OTOP3: variants seen among roughly 807,000 people sequenced by gnomAD.
OTOP3 encodes the protein proton channel OTOP3.
Under a neutral mutation model 50.8 loss-of-function variants are expected in OTOP3, and 41 were observed. The ratio of observed to expected loss-of-function variants is 0.81; its 90% confidence interval spans 0.63 to 1.05. The LOEUF (loss-of-function observed/expected upper bound fraction) is 1.05. Ranked by LOEUF, OTOP3 falls within the 50% of genes least tolerant of loss-of-function variation. The pLI is 0.00. For missense variants in OTOP3, 788 were observed against 760.8 expected, an observed-to-expected ratio of 1.04 and a Z score of -0.42; for synonymous variants, 320 against 324.4, an observed-to-expected ratio of 0.99 and a Z score of 0.14.
chr17:74,944,450 A>AT (rs1300646659), intron 5 of OTOP3, among the ~76,000 whole-genome samples: 1 of 152,194 alleles, frequency 6.6e-6, no homozygotes, highest in Non-Finnish European at 1.5e-5. Context: ...GACATCATGG[A>AT]TTTTGAAATT....
In OTOP3 at chr17:74,949,303, G is replaced by C; in HGVS notation, c.1624G>C (p.Asp542His). The change falls in exon 7 of 7, where the codon GAT (aspartate) becomes CAT (histidine). Residue 542 changes from aspartate (D) to histidine (H), a missense_variant. Coordinates refer to ENST00000328801, the MANE Select transcript of OTOP3 (RefSeq NM_001272005.2). ...HPEFENGLEK[D>H]FYGYQIWFAI... ...GGAGTTTGAGAACGGGCTAGAAAAG[G>C]ATTTCTACGGCTACCAGATATGGTT... The C allele has an allele frequency of 6.2e-7, 1 of 1,614,114 alleles. No individual in the cohort carries two copies. The highest frequency in any genetic ancestry group is 8.5e-7 in the Non-Finnish European group (1 of 1,179,996).
At position 74,947,256 on chromosome 17, in the gene OTOP3, C is replaced by T. The variant is rs1398784761; in HGVS notation, c.1347C>T (p.Phe449=). The change falls in exon 6 of 7, where the codon TTC becomes TTT. Residue 449 remains phenylalanine, a synonymous_variant. Transcript: ENST00000328801. ...TGCAGCACATCGCTCAGAACCTCTT[C>T]ATCATCGAGGGCCTGCACCGGCGCC... is the stretch of plus-strand genomic sequence containing the variant. The part of the protein sequence containing the change: ...LILQHIAQNL[F]IIEGLHRRPL... 6.2e-7 allele frequency: 1 copy of T among 1,613,734 alleles called. No individual in the cohort carries two copies. The highest frequency in any genetic ancestry group is 1.3e-5 in the African/African-American group (1 of 74,950).
At chr17:74,939,612 T>G (rs539823727) in intron 1 of OTOP3, among the ~76,000 whole-genome samples, 1 of 152,076 alleles carries the variant, frequency 6.6e-6, no homozygotes, top group African/African-American at 2.4e-5. Flanking sequence ...TCTTAGCAAG[T>G]GGTGACAAAG....
Position 74,941,510 on chromosome 17 carries a change from G to A in OTOP3, c.137G>A (p.Arg46Gln), listed in dbSNP as rs7210616. 1,144,477 of 1,612,452 alleles carry A rather than the reference G, an allele frequency of 0.71. 412,789 individuals carry two copies. The highest frequency in any genetic ancestry group is 0.75 in the Non-Finnish European group (879,196 of 1,179,080). The change falls in exon 2 of 7, where the codon CGG (arginine) becomes CAG (glutamine). Residue 46 changes from arginine (R) to glutamine (Q), a missense_variant. Transcript: ENST00000328801. ...AEERAAATRP[R>Q]QKSWLVRHFS... Reference sequence around the variant, plus strand: ...GAGAGAGCGGCCGCCACCCGGCCCCGGCAGAAGTCCTGGCTGGTGAGGCAT... The same window carrying A: ...GAGAGAGCGGCCGCCACCCGGCCCCAGCAGAAGTCCTGGCTGGTGAGGCAT...
At chr17:74,940,175 T>G (rs56141988) in intron 1 of OTOP3, among the ~76,000 whole-genome samples, 1,888 of 147,836 alleles carry the variant, frequency 0.013, 34 homozygotes, top group African/African-American at 0.045. Context: ...CTTTTTTGTT[T>G]TTTTTTTTTT....
In OTOP3 at chr17:74,947,307, C is replaced by A; in HGVS notation, c.1398C>A (p.Gly466=). The A allele has an allele frequency of 6.2e-7, 1 of 1,613,466 alleles. No individual in the cohort carries two copies. Among genetic ancestry groups the A allele is most frequent in the Non-Finnish European group, 8.5e-7 (1 of 1,179,862 alleles). ...RRPLWETVPE[G]LAGKQEAEPP... is the part of the protein sequence containing the mutation. ...CACTCTGGGAGACAGTTCCCGAGGGCCTGGCAGGAAAGCAGGAGGCTGAGC... is the reference window on the plus strand; with the variant it reads ...CACTCTGGGAGACAGTTCCCGAGGGACTGGCAGGAAAGCAGGAGGCTGAGC... The change falls in exon 6 of 7, where the codon GGC becomes GGA. Residue 466 remains glycine (G), a synonymous_variant. Transcript: ENST00000328801.
At position 74,940,088 on chromosome 17, in the gene OTOP3, TACACACAC is replaced by T. The variant is rs35662550; in HGVS notation, c.20-1267_20-1260del. ...TCATACCTGGCTAATATATATATTA[TACACACAC>T]ACACACACACACACACACACACACA... is the stretch of plus-strand genomic sequence containing the variant. On this transcript the variant is annotated intron_variant, in intron 1 of 6. Transcript: ENST00000328801. Among the ~76,000 whole-genome samples, 672 of 122,340 alleles carry T rather than the reference TACACACAC, an allele frequency of 5.5e-3. 5 individuals carry two copies. Among genetic ancestry groups the T allele is most frequent in the African/African-American group, 0.018 (552 of 31,014 alleles). 80.3% of individuals were successfully genotyped at this position (122,340 alleles called of 152,430 possible).
chr17:74,943,026 G>T (rs527442496), intron 3 of OTOP3, among the ~76,000 whole-genome samples: 5 of 152,132 alleles, frequency 3.3e-5, no homozygotes, highest in African/African-American at 4.8e-5. Context: ...CTTCGTTCCC[G>T]CAGTCTTATT....
chr17:74,937,969 G>A (rs945463931), intron 1 of OTOP3, among the ~76,000 whole-genome samples: 3 of 152,136 alleles, frequency 2.0e-5, no homozygotes, highest in African/African-American at 7.2e-5. Context: ...CAGGAGGGAT[G>A]GCAGGAGGCA....
rs2144782133 is a variant in OTOP3 at position 74,941,758 on chromosome 17, C to A, written c.385C>A (p.Pro129Thr). The A allele has an allele frequency of 6.2e-7, 1 of 1,613,922 alleles. No individual in the cohort carries two copies. The highest frequency in any genetic ancestry group is 8.5e-7 in the Non-Finnish European group (1 of 1,179,956). ...CTATGTGGCAAGCACCACCCGCCGA[C>A]CACACGCCGTGCTCTACCAAGATCC... ...LYYVASTTRR[P>T]HAVLYQDPHA... Residue 129 changes from proline to threonine, a missense_variant, in exon 2 of 7, where the codon CCA (proline) becomes ACA (threonine). Pro to Thr is a conservative substitution (Grantham distance 38). Transcript: ENST00000328801.
Position 74,948,705 on chromosome 17 carries a change from G to A in OTOP3, c.1567-541G>A, listed in dbSNP as rs138427414. ...AAATAAAAATTAGCCAGGCATGATG[G>A]TGCATGCCTGTAGTCCCAGCTACTT... On this transcript the variant is annotated intron_variant, in intron 6 of 6. Coordinates refer to ENST00000328801, the MANE Select transcript of OTOP3 (RefSeq NM_001272005.2). Among the ~76,000 whole-genome samples, 460 of 152,076 alleles carry A rather than the reference G, an allele frequency of 3.0e-3. 3 individuals carry two copies. The highest frequency in any genetic ancestry group is 0.01 in the African/African-American group (434 of 41,484).
intron 5 of OTOP3, among the ~76,000 whole-genome samples, chr17:74,946,263 C>T (rs756060515): frequency 5.9e-5 from 9 of 152,198 alleles, no homozygotes; most frequent in Non-Finnish European, 1.2e-4. Context: ...CAGGCATGAA[C>T]CACCGCACCT....
At chr17:74,936,784 C>T (rs9894744) in intron 1 of OTOP3, among the ~76,000 whole-genome samples, 4 of 151,700 alleles carry the variant, frequency 2.6e-5, no homozygotes, top group African/African-American at 9.7e-5. Context: ...CCAGTAATCC[C>T]GACCCTTCCC....
chr17:74,938,568 G>A (rs895564580), intron 1 of OTOP3, among the ~76,000 whole-genome samples: 2 of 152,160 alleles, frequency 1.3e-5, no homozygotes, highest in African/African-American at 4.8e-5. Context: ...AGTGCAGCAA[G>A]ATGGTATAGC....
intron 1 of OTOP3, among the ~76,000 whole-genome samples, chr17:74,936,374 G>A (rs542171834): frequency 6.6e-6 from 1 of 152,326 alleles, no homozygotes; most frequent in East Asian, 1.9e-4. Context: ...AGCCGGCCCT[G>A]CGCTGCTGGG....
chr17:74,940,519 T>C (rs1446685743), intron 1 of OTOP3, among the ~76,000 whole-genome samples: 1 of 152,112 alleles, frequency 6.6e-6, no homozygotes, highest in Non-Finnish European at 1.5e-5. Context: ...CCAGGCCGCA[T>C]AGCAGGAGGT....
chr17:74,947,033 G>C lies in OTOP3; in HGVS notation c.1124G>C (p.Gly375Ala). 1 of 1,613,912 alleles carries C rather than the reference G, an allele frequency of 6.2e-7. No individual in the cohort carries two copies. The change falls in exon 6 of 7, where the codon GGC becomes GCC. Residue 375 changes from glycine (G) to alanine (A), a missense_variant. Transcript: ENST00000328801. ...ACCATGAGTCTGGCGTGCCTGGCGG[G>C]CACAGCCATACACGGGCTGGAGGAG... is the stretch of plus-strand genomic sequence containing the variant. ...LPTMSLACLA[G>A]TAIHGLEERE...
intron 5 of OTOP3, among the ~76,000 whole-genome samples, chr17:74,944,357 A>G (rs2039206335): frequency 6.6e-6 from 1 of 152,192 alleles, no homozygotes; most frequent in Admixed American, 6.5e-5. Context: ...ATCAGTCACG[A>G]CACGCCTGTG....
chr17:74,943,759 AACACACACACACACAC>A (rs35254855), intron 5 of OTOP3, 35 bp downstream of exon 5: 59 of 982,540 alleles, frequency 6.0e-5, no homozygotes, highest in African/African-American at 1.5e-4. Context: ...CTTGCCCTGA[AACACACACACACACAC>A]ACACACACAC....
Sources: gnomAD v4.1 joint callset for allele counts (sites outside exome capture counted in the v4.1 genomes callset) on GRCh38, gnomAD v4.1.1 for gene constraint, MANE v1.5 for transcripts, NCBI Gene and HGNC (gene_info 2026-07-23, HGNC 2026-07-21) for gene names.